CDH13: variants seen among roughly 807,000 people sequenced by gnomAD.
CDH13 encodes cadherin 13.
Under a neutral mutation model 63.8 loss-of-function variants are expected in CDH13, and 24 were observed. The observed-to-expected ratio is 0.38, with a 90% CI of 0.27 to 0.53. CDH13 has a LOEUF of 0.53. Ranked by LOEUF, CDH13 falls within the 20% of genes least tolerant of loss-of-function variation. The pLI, the probability that CDH13 is intolerant of heterozygous loss-of-function variation, is 0.85. For synonymous variants in CDH13, 503 were observed against 355.3 expected (o/e 1.42, Z -4.67); for missense variants, 1,049 against 903.1 (o/e 1.16, Z -2.07).
chr16:83,318,576 A>C (rs1434494669), intron 5 of CDH13, among the ~76,000 whole-genome samples: 1 of 152,168 alleles, frequency 6.6e-6, no homozygotes, highest in Non-Finnish European at 1.5e-5. Flanking sequence ...TTGGCCTAGG[A>C]CATCTAGAAA....
chr16:83,487,609 TG>T (rs1389912236), intron 7 of CDH13, among the ~76,000 whole-genome samples: 3 of 152,162 alleles, frequency 2.0e-5, no homozygotes, highest in African/African-American at 7.2e-5. Flanking sequence ...AACCAACTCG[TG>T]GATTCCTACC....
intron 1 of CDH13, among the ~76,000 whole-genome samples, chr16:82,736,403 G>T (rs1342796739): frequency 6.6e-6 from 1 of 152,160 alleles, no homozygotes; most frequent in African/African-American, 2.4e-5. Context: ...AGAAAAGTTT[G>T]CAGGGGCTGT....
rs192086966 is a variant in CDH13, at chr16:82,636,830, A to T, written c.45+9693A>T. Among the ~76,000 whole-genome samples the T allele has an allele frequency of 3.9e-3, 589 of 152,334 alleles. 3 individuals carry two copies. The highest frequency in any genetic ancestry group is 0.012 in the African/African-American group (500 of 41,586). ...TTTCTGTGATGTAAATACTCCCGTC[A>T]TGGGCAATTTGAATCTGCCAACCTG... On this transcript the variant is annotated intron_variant, in intron 1 of 13. Coordinates refer to ENST00000567109, the MANE Select transcript of CDH13 (RefSeq NM_001257.5).
rs537416369 is a variant in CDH13, at chr16:83,527,175, C to A, written c.960+40520C>A. ...AATTAAAGAATAATTTAAGGCTGGG[C>A]GTGCTGGCTCACACCTGTAATCTCA... is the stretch of plus-strand genomic sequence containing the variant. On this transcript the variant is annotated intron_variant, in intron 7 of 13. Transcript: ENST00000567109. Among the ~76,000 whole-genome samples, 8 of 151,754 alleles carry A rather than the reference C, an allele frequency of 5.3e-5. No homozygotes were observed. In the South Asian group the frequency reaches 1.5e-3, roughly 28 times the overall value.
chr16:83,112,353 G>T, intron 3 of CDH13, among the ~76,000 whole-genome samples: 1 of 152,106 alleles, frequency 6.6e-6, no homozygotes, highest in East Asian at 1.9e-4. Context: ...AAGCAAACAG[G>T]CTTTGAGAGG....
At chr16:83,235,400 T>A (rs7201722) in intron 5 of CDH13, among the ~76,000 whole-genome samples, 2 of 152,228 alleles carry the variant, frequency 1.3e-5, no homozygotes, top group East Asian at 3.9e-4. Context: ...AAAGCCCTAT[T>A]ATGTGAGCCT....
chr16:83,577,776 A>T (rs1905193391), intron 7 of CDH13, among the ~76,000 whole-genome samples: 1 of 152,206 alleles, frequency 6.6e-6, no homozygotes, highest in Non-Finnish European at 1.5e-5. Context: ...TTTTGCTCTG[A>T]TAATAAAGCT....
At chr16:82,897,592 A>T (rs2041311973) in intron 2 of CDH13, among the ~76,000 whole-genome samples, 1 of 152,228 alleles carries the variant, frequency 6.6e-6, no homozygotes, top group South Asian at 2.1e-4. Context: ...TAGGTTATGC[A>T]ACTTACTCAA....
At chr16:83,623,429 C>T (rs570992712) in intron 8 of CDH13, among the ~76,000 whole-genome samples, 17 of 152,324 alleles carry the variant, frequency 1.1e-4, no homozygotes, top group African/African-American at 4.1e-4. Context: ...GTCTTCTGGG[C>T]AGCCCCTCTT....
chr16:82,993,191 C>G (rs558799589), intron 2 of CDH13, among the ~76,000 whole-genome samples: 2 of 152,160 alleles, frequency 1.3e-5, no homozygotes, highest in African/African-American at 4.8e-5. Flanking sequence ...CATTTTATGA[C>G]TATTCTTTGT....
At chr16:83,271,585 A>G (rs1465502267) in intron 5 of CDH13, among the ~76,000 whole-genome samples, 2 of 151,836 alleles carry the variant, frequency 1.3e-5, no homozygotes, top group Admixed American at 1.3e-4. Flanking sequence ...TATAATGCAT[A>G]CCCAAGATCA....
chr16:83,468,007 G>A (rs555395296), intron 6 of CDH13, among the ~76,000 whole-genome samples: 1 of 152,288 alleles, frequency 6.6e-6, no homozygotes, highest in East Asian at 1.9e-4. Context: ...CTGGCAGTCA[G>A]CACAGTTCAC....
chr16:83,672,683 C>A (rs959695693), intron 9 of CDH13, among the ~76,000 whole-genome samples: 1 of 151,998 alleles, frequency 6.6e-6, no homozygotes, highest in African/African-American at 2.4e-5. Flanking sequence ...CCTTGGCCTC[C>A]CAAAGTGCTG....
At chr16:82,917,702 A>G (rs1461990255) in intron 2 of CDH13, among the ~76,000 whole-genome samples, 2 of 152,136 alleles carry the variant, frequency 1.3e-5, no homozygotes, top group Non-Finnish European at 2.9e-5. Context: ...ATTTGAGGTC[A>G]GGAGTTTAAG....
intron 10 of CDH13, among the ~76,000 whole-genome samples, chr16:83,727,064 T>C (rs981193969): frequency 6.6e-5 from 10 of 152,200 alleles, no homozygotes; most frequent in African/African-American, 2.4e-4. Flanking sequence ...ATTTAAAATA[T>C]ACAATTCAAT....
chr16:83,610,911 C>T (rs139090305), intron 8 of CDH13, among the ~76,000 whole-genome samples: 1 of 152,300 alleles, frequency 6.6e-6, no homozygotes, highest in Non-Finnish European at 1.5e-5. Flanking sequence ...GTGGAACACT[C>T]ACTGAGAATC....
chr16:83,157,058 T>C (rs2037235760), intron 4 of CDH13, among the ~76,000 whole-genome samples: 8 of 152,220 alleles, frequency 5.3e-5, no homozygotes, highest in Admixed American at 5.2e-4. Flanking sequence ...AGAACTCCAA[T>C]GACGTCAGGC....
chr16:83,018,957 G>A (rs1223652057), intron 2 of CDH13, among the ~76,000 whole-genome samples: 1 of 152,182 alleles, frequency 6.6e-6, no homozygotes, highest in Admixed American at 6.5e-5. Flanking sequence ...GATGCTCTGG[G>A]TGAGTCAGTG....
intron 1 of CDH13, among the ~76,000 whole-genome samples, chr16:82,806,755 C>G (rs960219459): frequency 6.6e-6 from 1 of 152,024 alleles, no homozygotes; most frequent in Non-Finnish European, 1.5e-5. Context: ...TCACATGAAA[C>G]AATGAAGAGT....
Sources: allele counts gnomAD v4.1 joint callset (sites outside exome capture counted in the v4.1 genomes callset), GRCh38; gene constraint gnomAD v4.1.1; transcripts MANE v1.5; gene names NCBI Gene and HGNC (gene_info 2026-07-23, HGNC 2026-07-21).